The following ATP7A variants were observed in gnomAD, a reference collection of about 807,000 sequenced individuals.
ATP7A encodes the protein copper-transporting ATPase 1.
In ATP7A, 7 loss-of-function variants were observed where a neutral mutation model predicts 83.5. That is an observed-to-expected ratio of 0.08 (90% CI 0.05 to 0.16). ATP7A has a LOEUF of 0.16. ATP7A is among the 10% of genes least tolerant of loss of function. The pLI, the probability that ATP7A is intolerant of heterozygous loss-of-function variation, is 1.00. For synonymous variants in ATP7A, 354 were observed against 395.2 expected (o/e 0.90, Z 1.24); for missense variants, 940 against 1,120.8 (o/e 0.84, Z 2.30).
intron 4 of ATP7A, among the ~76,000 whole-genome samples, chrX:77,991,414 G>T (rs1460221010): frequency 9.0e-6 from 1 of 111,696 alleles, no homozygotes; most frequent in African/African-American, 3.3e-5. Context: ...CCTTTTTATT[G>T]CTGAATATTA....
intron 1 of ATP7A, among the ~76,000 whole-genome samples, chrX:77,965,634 C>T (rs781972593): frequency 9.0e-6 from 1 of 111,444 alleles, no homozygotes; most frequent in East Asian, 2.8e-4. Flanking sequence ...ATTATATGAC[C>T]CAGCAAGTCT....
chrX:77,914,550 C>G (rs937140556), intron 1 of ATP7A, among the ~76,000 whole-genome samples: 4 of 111,139 alleles, frequency 3.6e-5, no homozygotes, highest in Non-Finnish European at 7.5e-5. Flanking sequence ...CAGGTGCGCG[C>G]CACCACACTT....
intron 1 of ATP7A, among the ~76,000 whole-genome samples, chrX:77,936,231 T>C (rs2077318987): frequency 8.9e-6 from 1 of 111,920 alleles, no homozygotes; most frequent in South Asian, 3.7e-4. Context: ...CCATCTCTTC[T>C]CTTGGAAATG....
intron 4 of ATP7A, among the ~76,000 whole-genome samples, chrX:77,997,200 G>A (rs1443672774): frequency 1.8e-5 from 2 of 112,042 alleles, no homozygotes; most frequent in Non-Finnish European, 3.8e-5. Context: ...TTTTTAAAGT[G>A]TCCTTTGCTA....
Position 78,015,736 on chromosome X carries a change from A to G in ATP7A, c.2499-18A>G. 3 of 1,211,034 alleles carry G rather than the reference A, an allele frequency of 2.5e-6. No homozygotes were observed. Among genetic ancestry groups the G allele is most frequent in the Non-Finnish European group, 3.4e-6 (3 of 894,996 alleles). On this transcript the variant is annotated intron_variant, in intron 11 of 22. Transcript: ENST00000341514. ...GAAGCATATTATCATGGTGCTTTTT[A>G]TGTTAACTTATATCCAGTGAAGAAC...
chrX:77,937,912 TACAC>T (rs782577981), intron 1 of ATP7A, among the ~76,000 whole-genome samples: 1 of 95,230 alleles, frequency 1.1e-5, no homozygotes, highest in Non-Finnish European at 2.1e-5. Flanking sequence ...CACACACACA[TACAC>T]ACACACACAC....
chrX:78,015,214 C>T (rs1557235007), intron 11 of ATP7A, among the ~76,000 whole-genome samples: 1 of 111,885 alleles, frequency 8.9e-6, no homozygotes, highest in African/African-American at 3.2e-5. Context: ...CAGCGCCTCT[C>T]TTCTTTCTCC....
intron 5 of ATP7A, among the ~76,000 whole-genome samples, chrX:77,999,366 AC>A (rs1177856435): frequency 8.9e-6 from 1 of 111,834 alleles, no homozygotes; most frequent in Non-Finnish European, 1.9e-5. Context: ...TTATTACTAT[AC>A]CCAGACCAAG....
chrX:77,952,111 C>G (rs1293386171), intron 1 of ATP7A, among the ~76,000 whole-genome samples: 1 of 112,112 alleles, frequency 8.9e-6, no homozygotes, highest in African/African-American at 3.2e-5. Context: ...TAAAGGGTAT[C>G]TTGGTTGCTT....
chrX:77,963,970 T>C (rs1229899710), intron 1 of ATP7A: 1 of 112,514 alleles, frequency 8.9e-6, no homozygotes, highest in Non-Finnish European at 1.9e-5. Context: ...TTTATTTCTA[T>C]GGTTACTGCT....
intron 18 of ATP7A, among the ~76,000 whole-genome samples, chrX:78,040,156 G>A (rs962895616): frequency 2.7e-4 from 29 of 106,946 alleles, no homozygotes; most frequent in Non-Finnish European, 4.8e-4. Flanking sequence ...AAGATTTATG[G>A]TAATATTTTT....
intron 1 of ATP7A, among the ~76,000 whole-genome samples, chrX:77,932,770 C>T (rs2077295931): frequency 8.9e-6 from 1 of 112,680 alleles, no homozygotes; most frequent in African/African-American, 3.2e-5. Context: ...TCAGGTGTGG[C>T]AGCGCGCGCC....
intron 4 of ATP7A, among the ~76,000 whole-genome samples, chrX:77,991,131 C>G (rs1472933003): frequency 9.0e-6 from 1 of 111,689 alleles, no homozygotes; most frequent in Non-Finnish European, 1.9e-5. Context: ...AGTATACTTA[C>G]AGAGTTTTCC....
chrX:78,009,238 C>G lies in ATP7A; in HGVS notation c.1844C>G (p.Pro615Arg), dbSNP rs1557234110. 1.7e-6 allele frequency: 2 copies of G among 1,210,112 alleles called. No individual in the cohort carries two copies. Among genetic ancestry groups the G allele is most frequent in the Non-Finnish European group, 2.2e-6 (2 of 894,674 alleles). ...AAATATGACCCAGAAATTATTGGTC[C>G]TAGAGATATTATCCATACAATTGAA... Reference protein sequence around the residue: ...HIKYDPEIIGPRDIIHTIESL... With the variant: ...HIKYDPEIIGRRDIIHTIESL... Residue 615 changes from proline (P) to arginine (R), a missense_variant, in exon 7 of 23, where the codon CCT becomes CGT. Coordinates refer to ENST00000341514, the MANE Select transcript of ATP7A (RefSeq NM_000052.7).
chrX:77,971,495 T>A, intron 1 of ATP7A, 126 bp from the exon 2 acceptor site: 1 of 710,018 alleles, frequency 1.4e-6, no homozygotes, highest in African/African-American at 2.1e-5. Context: ...TAGCACATTT[T>A]AATTTTTTAA....
At chrX:78,013,241 T>A (rs2077839742) in intron 10 of ATP7A, 129 bp downstream of exon 10, 1 of 620,463 alleles carries the variant, frequency 1.6e-6, no homozygotes, top group South Asian at 2.6e-5. Context: ...TATTTTCATT[T>A]TGGCAATATT....
intron 1 of ATP7A, chrX:77,969,328 G>T (rs1355900700): frequency 8.3e-7 from 1 of 1,209,806 alleles, no homozygotes; most frequent in Non-Finnish European, 1.1e-6. Flanking sequence ...ATGCTTTGCA[G>T]CAGTTTCTGC....
intron 1 of ATP7A, chrX:77,969,560 C>G (rs191844393): frequency 1.7e-6 from 2 of 1,211,885 alleles, no homozygotes; most frequent in South Asian, 3.5e-5. Flanking sequence ...AGATCGGCGT[C>G]GTACCAGCAG....
chrX:78,047,345 A>G lies in ATP7A; in HGVS notation c.*775A>G, dbSNP rs2078089384. The stretch of plus-strand genomic sequence containing the variant: ...CCATCTTTCCACTGTTGTAAAAAGT[A>G]TATCAAATTATTCCTTCAAGTTTCC... On this transcript the variant is annotated 3_prime_UTR_variant, in exon 23 of 23. Coordinates refer to ENST00000341514, the MANE Select transcript of ATP7A (RefSeq NM_000052.7). 1 of 111,895 alleles carries G rather than the reference A, an allele frequency of 8.9e-6. No individual in the cohort carries two copies. The highest frequency in any genetic ancestry group is 3.7e-4 in the South Asian group (1 of 2,675). 9.2% of individuals were successfully genotyped at this position (111,895 alleles called of 1,213,427 possible).
Sources: allele counts gnomAD v4.1 joint callset (sites outside exome capture counted in the v4.1 genomes callset), GRCh38; gene constraint gnomAD v4.1.1; transcripts MANE v1.5; gene names NCBI Gene and HGNC (gene_info 2026-07-23, HGNC 2026-07-21).